Variants in TBCD observed in about 807,000 individuals in gnomAD.
The protein encoded by TBCD is tubulin folding cofactor D.
Under a neutral mutation model 169.3 loss-of-function variants are expected in TBCD, and 105 were observed. The ratio of observed to expected loss-of-function variants is 0.62; its 90% CI spans 0.53 to 0.73. The LOEUF is 0.73. Among genes scored for constraint, TBCD ranks in the 30% least tolerant of loss-of-function variants. The pLI, the probability that TBCD is intolerant of heterozygous loss-of-function variation, is 0.00. For synonymous variants in TBCD, 700 were observed against 643.9 expected, an observed-to-expected ratio of 1.09 and a Z score of -1.32; for missense variants, 1,444 against 1,600.1, an observed-to-expected ratio of 0.90 and a Z score of 1.66.
chr17:82,757,050 C>T (rs977368928), intron 2 of TBCD, among the ~76,000 whole-genome samples: 1 of 152,090 alleles, frequency 6.6e-6, no homozygotes. Context: ...TCTTTTTCTA[C>T]CTACAAATGT....
Position 82,889,359 on chromosome 17 carries a change from C to A in TBCD, c.1534-309C>A, listed in dbSNP as rs529854252. On this transcript the variant is annotated intron_variant, in intron 15 of 38. Transcript: ENST00000355528. This position sits in a 1 kb window ranked among gnomAD's most constrained non-coding sequence, Gnocchi z 5.3. ...GGGCTCTGGGCTTTGATTTAACCTG[C>A]CTGTCTGTCTCTCTGAGTTGACAGC... Among the ~76,000 whole-genome samples, 166 of 152,296 alleles carry A rather than the reference C, an allele frequency of 1.1e-3. No individual in the cohort carries two copies. Among genetic ancestry groups the A allele is most frequent in the South Asian group, 3.5e-3 (17 of 4,830 alleles).
chr17:82,918,654 T>G (rs891513074), intron 23 of TBCD: 2 of 152,128 alleles, frequency 1.3e-5, no homozygotes, highest in Non-Finnish European at 2.9e-5. Context: ...GTGTGCCGTT[T>G]CGTGAGAGGC....
chr17:82,936,818 C>G (rs961599686), intron 34 of TBCD, among the ~76,000 whole-genome samples: 75 of 152,224 alleles, frequency 4.9e-4, no homozygotes, highest in African/African-American at 1.8e-3. Context: ...CAGCCCTTGT[C>G]CCTGCTGCCA....
At chr17:82,908,426 T>C (rs1386983190) in intron 21 of TBCD, 3 of 456,306 alleles carry the variant, frequency 6.6e-6, no homozygotes, top group Admixed American at 2.4e-5. Flanking sequence ...CAAAGGCTTC[T>C]GTGACCCAGA....
At chr17:82,779,279 C>T (rs1286912886) in intron 6 of TBCD, among the ~76,000 whole-genome samples, 1 of 152,096 alleles carries the variant, frequency 6.6e-6, no homozygotes, top group Non-Finnish European at 1.5e-5. Context: ...GCTGGGATTA[C>T]GGGCTTGAGC....
intron 12 of TBCD, among the ~76,000 whole-genome samples, chr17:82,813,883 G>C (rs944193921): frequency 1.3e-5 from 2 of 152,200 alleles, no homozygotes; most frequent in African/African-American, 4.8e-5. Context: ...TCCTCTCTGG[G>C]CTGGGCACGC....
chr17:82,929,293 C>T lies in TBCD; in HGVS notation c.2852+22C>T, dbSNP rs528141726. Reference sequence around the variant, plus strand: ...CCAGGTACTGTCGGGGTGTAGGCCCCCCGTGCTGGCCCCGCAGCCATGGCG... The same window carrying T: ...CCAGGTACTGTCGGGGTGTAGGCCCTCCGTGCTGGCCCCGCAGCCATGGCG... On this transcript the variant is annotated intron_variant, in intron 31 of 38. Transcript: ENST00000355528. The T allele has an allele frequency of 6.8e-6, 11 of 1,611,680 alleles. No homozygotes were observed. The South Asian group carries it at 1.2e-4, about 18-fold the overall frequency.
rs137910288 is a variant in TBCD, at chr17:82,831,591, C to T, written c.1318+16657C>T. 12 of 1,614,064 alleles carry T rather than the reference C, an allele frequency of 7.4e-6. No individual in the cohort carries two copies. Among genetic ancestry groups the T allele is most frequent in the East Asian group, 4.5e-5 (2 of 44,882 alleles). On this transcript the variant is annotated intron_variant, in intron 13 of 38. Coordinates refer to ENST00000355528, the MANE Select transcript of TBCD (RefSeq NM_005993.5). This position sits in a 1 kb window ranked among gnomAD's most constrained non-coding sequence, Gnocchi z 4.6. ...GAGCCAGGTGCTTAGGGATCGGCCC[C>T]GGGTGAGGCAGGAAGTGTCTCGGGT...
chr17:82,780,334 G>A (rs555899589), intron 6 of TBCD, among the ~76,000 whole-genome samples: 106 of 152,226 alleles, frequency 7.0e-4, no homozygotes, highest in African/African-American at 2.3e-3. Flanking sequence ...CCAGCTGTTT[G>A]TCGTTTCTCT....
At chr17:82,887,164 TGTGTGCGCGCGCGCGCAC>T (rs1163579920) in intron 15 of TBCD, among the ~76,000 whole-genome samples, 21 of 104,548 alleles carry the variant, frequency 2.0e-4, no homozygotes, top group South Asian at 1.7e-3. Context: ...TGTGTGTGTG[TGTGTGCGCGCGCGCGCAC>T]GTGCGCTCAC....
intron 17 of TBCD, chr17:82,895,786 A>G (rs1213168317): frequency 2.6e-5 from 4 of 152,190 alleles, no homozygotes; most frequent in African/African-American, 9.7e-5. Flanking sequence ...GCGAGGAAGC[A>G]TCAGCCGTGC....
intron 13 of TBCD, among the ~76,000 whole-genome samples, chr17:82,819,074 A>C (rs547912305): frequency 2.0e-5 from 3 of 152,376 alleles, no homozygotes; most frequent in Middle Eastern, 3.4e-3. Context: ...AAGAAAAAAA[A>C]GCGCGAAAAC....
chr17:82,777,887 T>G (rs1022701124), intron 6 of TBCD, among the ~76,000 whole-genome samples: 1 of 152,134 alleles, frequency 6.6e-6, no homozygotes, highest in Non-Finnish European at 1.5e-5. Context: ...GTAGCGGGTG[T>G]TTTTCCTTGA....
intron 13 of TBCD, among the ~76,000 whole-genome samples, chr17:82,828,399 A>G (rs947773066): frequency 3.0e-5 from 4 of 132,782 alleles, no homozygotes; most frequent in African/African-American, 5.8e-5. Context: ...TGCACACCCA[A>G]TCGAATGCAC....
At position 82,753,868 on chromosome 17, in the gene TBCD, G is replaced by GTTT. The variant is rs57196730; in HGVS notation, c.184+1506_184+1508dup. ...GGTTGAAAGGGAGACTAGACTAGAG[G>GTTT]TTTTTTTTTTTTTTTTTGAGGCGGA... On this transcript the variant is annotated intron_variant, in intron 1 of 38. Transcript: ENST00000355528. 7.7e-3 allele frequency among the ~76,000 whole-genome samples: 962 copies of GTTT among 125,254 alleles called. 9 individuals are homozygous for GTTT. Among genetic ancestry groups the GTTT allele is most frequent in the African/African-American group, 0.029 (931 of 32,440 alleles). The allele number at this position is 125,254 out of a possible 152,430, so 82.2% of individuals were successfully genotyped here.
chr17:82,874,033 A>G lies in TBCD; in HGVS notation c.1475+3653A>G, dbSNP rs1177934094. ...GTCCTGACTGGGGCTCCTCTTTTGGAGCAGCTGCCACGTGTGGACCGGCAC... is the reference window on the plus strand; with the variant it reads ...GTCCTGACTGGGGCTCCTCTTTTGGGGCAGCTGCCACGTGTGGACCGGCAC... On this transcript the variant is annotated intron_variant, in intron 14 of 38. Coordinates refer to ENST00000355528, the MANE Select transcript of TBCD (RefSeq NM_005993.5). This position sits in a 1 kb window ranked among gnomAD's most constrained non-coding sequence, Gnocchi z 5.0. Among the ~76,000 whole-genome samples, 2 of 151,738 alleles carry G rather than the reference A, an allele frequency of 1.3e-5. No homozygotes were observed. The highest frequency in any genetic ancestry group is 4.8e-5 in the African/African-American group (2 of 41,270).
chr17:82,790,203 C>A (rs1407646642), intron 7 of TBCD, among the ~76,000 whole-genome samples: 1 of 152,154 alleles, frequency 6.6e-6, no homozygotes, highest in Non-Finnish European at 1.5e-5. Context: ...GGCTCCCCGA[C>A]TACCCTCCCG....
intron 19 of TBCD, among the ~76,000 whole-genome samples, chr17:82,905,269 GTCC>G (rs1215399891): frequency 6.6e-6 from 1 of 152,316 alleles, no homozygotes; most frequent in African/African-American, 2.4e-5. Flanking sequence ...GGAGTGTGTC[GTCC>G]TCCTCCATGC....
At chr17:82,850,445 C>G (rs2055679165) in intron 13 of TBCD, among the ~76,000 whole-genome samples, 1 of 137,832 alleles carries the variant, frequency 7.3e-6, no homozygotes, top group African/African-American at 2.8e-5. Context: ...GTTGGCTGTG[C>G]TGTTTTGCTG....
Sources: gnomAD v4.1 joint callset for allele counts (sites outside exome capture counted in the v4.1 genomes callset) on GRCh38, gnomAD v4.1.1 for gene constraint, Gnocchi (gnomAD v3.1) non-coding constraint, MANE v1.5 for transcripts, NCBI Gene and HGNC (gene_info 2026-07-23, HGNC 2026-07-21) for gene names.